Variants in ZNF687 observed in about 807,000 individuals in gnomAD.
The protein encoded by ZNF687 is zinc finger protein 687.
Under a neutral mutation model 71.8 loss-of-function variants are expected in ZNF687, and 13 were observed. The observed-to-expected ratio is 0.18, with a 90% CI of 0.12 to 0.29. ZNF687 has a LOEUF of 0.29. Ranked by LOEUF, ZNF687 falls within the 10% of genes least tolerant of loss-of-function variation. The pLI, the probability that ZNF687 is intolerant of heterozygous loss-of-function variation, is 1.00. For synonymous variants in ZNF687, 673 were observed against 641.6 expected, an observed-to-expected ratio of 1.05 and a Z score of -0.74; for missense variants, 1,412 against 1,625.6, an observed-to-expected ratio of 0.87 and a Z score of 2.26.
In ZNF687 at chr1:151,289,673, C is replaced by T. The variant is rs1237870864; in HGVS notation, c.2635-5C>T. 8 of 1,576,970 alleles carry T rather than the reference C, an allele frequency of 5.1e-6. No homozygotes were observed. The Admixed American group carries it at 7.4e-5, about 15-fold the overall frequency. ...AACAGCAACCTCCCTTGTCTCCTCT[C>T]ACAGAACACCCATCAGTCTGGGCGC... On this transcript the variant is annotated splice_polypyrimidine_tract_variant and splice_region_variant and intron_variant, in intron 5 of 8. Transcript: ENST00000336715.
chr1:151,284,846 G>C (rs1323711002), intron 1 of ZNF687, among the ~76,000 whole-genome samples: 3 of 103,138 alleles, frequency 2.9e-5, no homozygotes, highest in African/African-American at 1.2e-4. Flanking sequence ...GTATCACTCT[G>C]TCACCCAGGC....
rs777253039 is a variant in ZNF687, at chr1:151,286,268, T to G, written c.-17-7T>G. On this transcript the variant is annotated splice_region_variant and splice_polypyrimidine_tract_variant and intron_variant, in intron 1 of 8. Transcript: ENST00000336715. ...CAGTTTCTCCTCCTCGTTCCTGTTT[T>G]CATCAGGTCTGGGATCTGCCGATAT... 1 of 1,521,118 alleles carries G rather than the reference T, an allele frequency of 6.6e-7. No individual in the cohort carries two copies. Among genetic ancestry groups the G allele is most frequent in the Admixed American group, 2.3e-5 (1 of 44,374 alleles). 94.2% of individuals were successfully genotyped at this position (1,521,118 alleles called of 1,614,324 possible). A position where few individuals can be genotyped will look rare whatever the true frequency, so the allele number is the denominator to read the frequency against.
In ZNF687 at chr1:151,288,578, C is replaced by T. The variant is rs1438997329; in HGVS notation, c.2166C>T (p.Ala722=). The part of the protein sequence containing the change: ...MMLPNRCSFS[A]HQRMHKNRPP... ...TCCCCAATCGCTGCAGCTTCAGCGC[C>T]CACCAGCGCATGCATAAGAATCGAC... Residue 722 remains alanine, a synonymous_variant, in exon 3 of 9, where the codon GCC becomes GCT. Coordinates refer to ENST00000336715, the MANE Select transcript of ZNF687 (RefSeq NM_020832.3). 1 of 1,614,042 alleles carries T rather than the reference C, an allele frequency of 6.2e-7. No individual in the cohort carries two copies. The highest frequency in any genetic ancestry group is 8.5e-7 in the Non-Finnish European group (1 of 1,179,958).
chr1:151,289,393 C>T lies in ZNF687; in HGVS notation c.2487C>T (p.Cys829=), dbSNP rs751824217. The change falls in exon 5 of 9, where the codon TGC becomes TGT. Residue 829 remains cysteine, a synonymous_variant. Transcript: ENST00000336715. The part of the protein sequence containing the change: ...QTQQAKLIYK[C]AMCDTVFTHK... ...CTCACTTCAGGCTGATCTACAAGTG[C>T]GCCATGTGCGACACAGTCTTCACTC... The T allele has an allele frequency of 2.4e-5, 38 of 1,614,062 alleles. No homozygotes were observed. Among genetic ancestry groups the T allele is most frequent in the African/African-American group, 4.0e-5 (3 of 74,950 alleles).
rs1028590092 is a variant in ZNF687, at chr1:151,290,933, C to T, written c.3438C>T (p.Ser1146=). The T allele has an allele frequency of 1.9e-5, 30 of 1,613,718 alleles. No individual in the cohort carries two copies. Among genetic ancestry groups the T allele is most frequent in the Non-Finnish European group, 2.5e-5 (30 of 1,180,010 alleles). The change falls in exon 9 of 9, where the codon TCC becomes TCT. Residue 1146 remains serine, a synonymous_variant. Transcript: ENST00000336715. ...TCGACTGTGGCTTGTGCTTTGCCTC[C>T]CCTGGCTCCCTGAGCCGACACCGTT... ...QCLDCGLCFA[S]PGSLSRHRFI...
Position 151,286,526 on chromosome 1 carries a change from A to G in ZNF687, c.235A>G (p.Ile79Val). The G allele has an allele frequency of 1.2e-6, 2 of 1,614,184 alleles. No individual in the cohort carries two copies. Among genetic ancestry groups the G allele is most frequent in the Admixed American group, 1.7e-5 (1 of 60,024 alleles). Residue 79 changes from isoleucine to valine, a missense_variant, in exon 2 of 9, where the codon ATT becomes GTT. By Grantham distance (29) the Ile-to-Val change is conservative. Transcript: ENST00000336715. ...TGACCATGGCCTGCCACCGCCAGAC[A>G]TTTCTGTAGTCAGTGTCATTGTCAA... Reference protein sequence around the residue: ...ASDHGLPPPDISVVSVIVKNT... With the variant: ...ASDHGLPPPDVSVVSVIVKNT...
Position 151,287,762 on chromosome 1 carries a change from T to C in ZNF687, c.1471T>C (p.Ser491Pro), listed in dbSNP as rs753084568. The C allele has an allele frequency of 4.1e-5, 66 of 1,613,872 alleles. No individual in the cohort carries two copies. Among genetic ancestry groups the C allele is most frequent in the Non-Finnish European group, 5.1e-5 (60 of 1,180,014 alleles). The change falls in exon 2 of 9, where the codon TCA (serine) becomes CCA (proline). Residue 491 changes from serine (S) to proline (P), a missense_variant. Around this residue, in one of 8 missense-constraint regions of ZNF687, gnomAD observed 133 missense variants for 155.1 expected, o/e 0.86. Coordinates refer to ENST00000336715, the MANE Select transcript of ZNF687 (RefSeq NM_020832.3). The surrounding 1 kb of genome is among the most constrained non-coding windows in gnomAD (Gnocchi z 5.0). ...GPSTGGGTVI[S>P]RTQSSLVEAF... is the part of the protein sequence containing the mutation. The stretch of plus-strand genomic sequence containing the variant: ...AAGTACAGGGGGCGGCACAGTGATA[T>C]CACGGACCCAGTCCAGCCTGGTGGA...
rs1371582399 is a variant in ZNF687, at chr1:151,286,546, T to C, written c.255T>C (p.Ile85=). Residue 85 remains isoleucine (I), a synonymous_variant, in exon 2 of 9, where the codon ATT becomes ATC. Coordinates refer to ENST00000336715, the MANE Select transcript of ZNF687 (RefSeq NM_020832.3). ...PPPDISVVSV[I]VKNTVCPEQS... Reference sequence around the variant, plus strand: ...CAGACATTTCTGTAGTCAGTGTCATTGTCAAGAACACTGTGTGTCCCGAGC... The same window carrying C: ...CAGACATTTCTGTAGTCAGTGTCATCGTCAAGAACACTGTGTGTCCCGAGC... The C allele has an allele frequency of 6.2e-7, 1 of 1,614,086 alleles. No homozygotes were observed. The highest frequency in any genetic ancestry group is 1.3e-5 in the African/African-American group (1 of 74,946).
At chr1:151,286,045 T>C in intron 1 of ZNF687, 1 of 364,184 alleles carries the variant, frequency 2.7e-6, no homozygotes. Flanking sequence ...TCTTTTCCCC[T>C]GCTTTCTCTG....
At position 151,288,382 on chromosome 1, in the gene ZNF687, C is replaced by T. The variant is rs1341044589; in HGVS notation, c.2091C>T (p.Pro697=). ...CAGCTCACTTCCAGCAGCTCGGCCC[C>T]CCTGCCCCTGGGGCCACCAGCAATG... ...GMAAHFQQLG[P]PAPGATSNVC... is the part of the protein sequence containing the mutation. The change falls in exon 2 of 9, where the codon CCC becomes CCT. Residue 697 remains proline (P), a synonymous_variant. Transcript: ENST00000336715. 1.2e-5 allele frequency: 20 copies of T among 1,606,296 alleles called. No individual in the cohort carries two copies. The highest frequency in any genetic ancestry group is 3.3e-4 in the Middle Eastern group (2 of 6,074).
rs762207790 is a variant in ZNF687 at position 151,289,485 on chromosome 1, G to A, written c.2579G>A (p.Cys860Tyr). The part of the protein sequence containing the change: ...LLPQRVSVFK[C>Y]PSCPLLFAQK... ...CCCCAGCGTGTCAGTGTCTTTAAGT[G>A]CCCGTCTTGTCCTCTGCTCTTTGCC... is the stretch of plus-strand genomic sequence containing the variant. Residue 860 changes from cysteine to tyrosine, a missense_variant, in exon 5 of 9, where the codon TGC becomes TAC. By Grantham distance (194) the Cys-to-Tyr change is radical. Transcript: ENST00000336715. 6.2e-7 allele frequency: 1 copy of A among 1,614,138 alleles called. No individual in the cohort carries two copies. Among genetic ancestry groups the A allele is most frequent in the East Asian group, 2.2e-5 (1 of 44,894 alleles).
At chr1:151,284,795 GTCT>G (rs1469003727) in intron 1 of ZNF687, among the ~76,000 whole-genome samples, 11 of 126,072 alleles carry the variant, frequency 8.7e-5, no homozygotes, top group African/African-American at 3.3e-4. Context: ...TCTCTGCCTT[GTCT>G]TGTCTTTTTT....
intron 1 of ZNF687, chr1:151,285,594 A>G: frequency 6.6e-6 from 1 of 151,904 alleles, no homozygotes; most frequent in South Asian, 2.1e-4. Flanking sequence ...TTGTATTTTT[A>G]GTAGAGACGG....
Position 151,288,348 on chromosome 1 carries a change from C to A in ZNF687, c.2057C>A (p.Ala686Asp). The change falls in exon 2 of 9, where the codon GCT becomes GAT. Residue 686 changes from alanine to aspartate, a missense_variant. Ala to Asp is a moderately radical substitution (Grantham distance 126). Around this residue, in one of 8 missense-constraint regions of ZNF687, gnomAD observed 207 missense variants for 239.2 expected, o/e 0.87. Coordinates refer to ENST00000336715, the MANE Select transcript of ZNF687 (RefSeq NM_020832.3). Reference sequence around the variant, plus strand: ...TGCAAGGAACAGTGCCGGGACAAGGCTGGCATGGCAGCTCACTTCCAGCAG... The same window carrying A: ...TGCAAGGAACAGTGCCGGGACAAGGATGGCATGGCAGCTCACTTCCAGCAG... ...LECKEQCRDKAGMAAHFQQLG... is the reference protein window; with the variant it reads ...LECKEQCRDKDGMAAHFQQLG... The A allele has an allele frequency of 6.2e-7, 1 of 1,610,708 alleles. No individual in the cohort carries two copies.
Position 151,288,567 on chromosome 1 carries a change from A to G in ZNF687, c.2155A>G (p.Ser719Gly). 1 of 1,613,466 alleles carries G rather than the reference A, an allele frequency of 6.2e-7. No individual in the cohort carries two copies. Among genetic ancestry groups the G allele is most frequent in the Non-Finnish European group, 8.5e-7 (1 of 1,179,626 alleles). The change falls in exon 3 of 9, where the codon AGC (serine) becomes GGC (glycine). Residue 719 changes from serine to glycine, a missense_variant. Ser to Gly is a moderately conservative substitution (Grantham distance 56). Transcript: ENST00000336715. Reference sequence around the variant, plus strand: ...CCCCATGATGCTCCCCAATCGCTGCAGCTTCAGCGCCCACCAGCGCATGCA... The same window carrying G: ...CCCCATGATGCTCCCCAATCGCTGCGGCTTCAGCGCCCACCAGCGCATGCA... Reference protein sequence around the residue: ...TCPMMLPNRCSFSAHQRMHKN... With the variant: ...TCPMMLPNRCGFSAHQRMHKN...
At chr1:151,286,041 C>T (rs1158252315) in intron 1 of ZNF687, 1 of 358,126 alleles carries the variant, frequency 2.8e-6, no homozygotes, top group African/African-American at 2.1e-5. Flanking sequence ...ACTCTCTTTT[C>T]CCCTGCTTTC....
chr1:151,283,207 C>T (rs1375685157), intron 1 of ZNF687: 2 of 985,358 alleles, frequency 2.0e-6, no homozygotes, highest in Non-Finnish European at 2.4e-6. Context: ...CCCGCGCCAG[C>T]CCTCGGCAGA....
Position 151,287,774 on chromosome 1 carries a change from T to C in ZNF687, c.1483T>C (p.Ser495Pro). Reference sequence around the variant, plus strand: ...CGGCACAGTGATATCACGGACCCAGTCCAGCCTGGTGGAGGCCTTCAACAA... The same window carrying C: ...CGGCACAGTGATATCACGGACCCAGCCCAGCCTGGTGGAGGCCTTCAACAA... ...GGGTVISRTQ[S>P]SLVEAFNKIL... Residue 495 changes from serine to proline, a missense_variant, in exon 2 of 9, where the codon TCC (serine) becomes CCC (proline). Ser to Pro is a moderately conservative substitution (Grantham distance 74). Coordinates refer to ENST00000336715, the MANE Select transcript of ZNF687 (RefSeq NM_020832.3). This position sits in a 1 kb window ranked among gnomAD's most constrained non-coding sequence, Gnocchi z 5.0. 1 of 1,613,998 alleles carries C rather than the reference T, an allele frequency of 6.2e-7. No individual in the cohort carries two copies. The highest frequency in any genetic ancestry group is 8.5e-7 in the Non-Finnish European group (1 of 1,180,006).
chr1:151,282,074 G>A, upstream of ZNF687: 2 of 1,286,742 alleles, frequency 1.6e-6, no homozygotes, highest in South Asian at 1.2e-5. Flanking sequence ...CAGCCAATGG[G>A]GAGAGGTATC....
Sources: gnomAD v4.1 joint callset for allele counts (sites outside exome capture counted in the v4.1 genomes callset) on GRCh38, gnomAD v4.1.1 for gene constraint, gnomAD v4.1.1 regional missense constraint, Gnocchi (gnomAD v3.1) non-coding constraint, MANE v1.5 for transcripts, NCBI Gene and HGNC (gene_info 2026-07-23, HGNC 2026-07-21) for gene names.